FBXL13: variants seen among roughly 807,000 people sequenced by gnomAD.
FBXL13 encodes F-box and leucine-rich repeat protein 13.
Under a neutral mutation model 83.6 loss-of-function variants are expected in FBXL13, and 67 were observed. That is an observed-to-expected ratio of 0.80 (90% CI 0.66 to 0.98). The LOEUF (loss-of-function observed/expected upper bound fraction) is 0.98, where lower values mean the gene tolerates loss of function less well. FBXL13 is among the 50% of genes least tolerant of loss of function. The pLI is 0.00. For synonymous variants in FBXL13, 272 were observed against 299.5 expected, an observed-to-expected ratio of 0.91 and a Z score of 0.95; for missense variants, 822 against 866.5, an observed-to-expected ratio of 0.95 and a Z score of 0.64.
chr7:102,818,617 C>T (rs1798342344), intron 19 of FBXL13, among the ~76,000 whole-genome samples: 1 of 152,104 alleles, frequency 6.6e-6, no homozygotes, highest in Non-Finnish European at 1.5e-5. Context: ...GCAGTAGGGA[C>T]TGTCCGAGTT....
At chr7:102,811,203 G>A (rs1274224213), downstream of FBXL13, among the ~76,000 whole-genome samples, 1 of 151,902 alleles carries the variant, frequency 6.6e-6, no homozygotes. Flanking sequence ...AAGCATAACA[G>A]CAGTCAACTA....
At chr7:102,903,946 T>TTTTC (rs1563068200) in intron 11 of FBXL13, among the ~76,000 whole-genome samples, 9 of 143,036 alleles carry the variant, frequency 6.3e-5, no homozygotes, top group African/African-American at 2.4e-4. Flanking sequence ...TTTCTTTTTT[T>TTTTC]TTTTTTTTTT....
At chr7:102,862,449 T>C (rs993096642) in intron 16 of FBXL13, among the ~76,000 whole-genome samples, 1 of 152,192 alleles carries the variant, frequency 6.6e-6, no homozygotes, top group African/African-American at 2.4e-5. Flanking sequence ...TAGCATAATT[T>C]GGAGGAAAAA....
intron 6 of FBXL13, among the ~76,000 whole-genome samples, chr7:102,994,878 G>C (rs1420573600): frequency 2.6e-5 from 4 of 152,120 alleles, no homozygotes; most frequent in Admixed American, 6.5e-5. Flanking sequence ...AGGTTTTCTG[G>C]GAACTCAGAG....
In FBXL13 at chr7:103,014,826, G is replaced by A. The variant is rs541256051; in HGVS notation, c.495+10237C>T. On this transcript the variant is annotated intron_variant, in intron 6 of 19. Coordinates refer to ENST00000313221, the Ensembl canonical transcript of FBXL13. ...TAGTCCCAGCTACTTGGGAGGCTGA[G>A]GCAGGAGAATGGCATGAACCCCGGG... Among the ~76,000 whole-genome samples, 10 of 150,834 alleles carry A rather than the reference G, an allele frequency of 6.6e-5. No homozygotes were observed. The South Asian group carries it at 2.1e-3, about 32-fold the overall frequency.
intron 8 of FBXL13, among the ~76,000 whole-genome samples, chr7:102,957,629 T>C (rs1313614601): frequency 2.6e-5 from 4 of 152,178 alleles, no homozygotes; most frequent in African/African-American, 9.6e-5. Context: ...TTTTGCAATC[T>C]ACCCATCTGA....
chr7:102,926,488 G>T, intron 9 of FBXL13, 114 bp from the exon 11 acceptor site: 1 of 726,842 alleles, frequency 1.4e-6, no homozygotes, highest in Non-Finnish European at 2.2e-6. Flanking sequence ...TGTAAGAGTT[G>T]GTTTCTTCAT....
chr7:103,066,192 A>C (rs1798375597), intron 1 of FBXL13, among the ~76,000 whole-genome samples: 1 of 152,218 alleles, frequency 6.6e-6, no homozygotes. Context: ...TTTAGACTTT[A>C]ACTAAAATTG....
chr7:102,970,245 T>C (rs1340947659), intron 6 of FBXL13, among the ~76,000 whole-genome samples: 2 of 152,150 alleles, frequency 1.3e-5, no homozygotes, highest in Non-Finnish European at 2.9e-5. Flanking sequence ...AGCAAGACTC[T>C]GTCTCAAAAA....
chr7:102,966,971 T>C (rs1326153644), intron 7 of FBXL13, among the ~76,000 whole-genome samples: 1 of 151,908 alleles, frequency 6.6e-6, no homozygotes, highest in East Asian at 1.9e-4. Flanking sequence ...CCTGTTTTGG[T>C]TTTTTTGTTT....
intron 6 of FBXL13, among the ~76,000 whole-genome samples, chr7:103,020,281 G>A (rs183780463): frequency 8.9e-4 from 135 of 152,098 alleles, no homozygotes; most frequent in East Asian, 3.9e-3. Context: ...ACAACCCTTC[G>A]TGCTAAAAAT....
intron 16 of FBXL13, among the ~76,000 whole-genome samples, chr7:102,863,818 C>G (rs558740543): frequency 2.0e-5 from 3 of 152,108 alleles, no homozygotes; most frequent in African/African-American, 7.2e-5. Flanking sequence ...GTGGCACCAC[C>G]ATGTTCACAA....
intron 16 of FBXL13, among the ~76,000 whole-genome samples, chr7:102,865,565 C>A (rs564384043): frequency 2.0e-5 from 3 of 151,868 alleles, no homozygotes; most frequent in Non-Finnish European, 4.4e-5. Flanking sequence ...TTGTTTGAGA[C>A]GGAGTCTTGC....
intron 6 of FBXL13, among the ~76,000 whole-genome samples, chr7:102,976,600 C>T (rs1004046657): frequency 6.6e-6 from 1 of 152,090 alleles, no homozygotes; most frequent in African/African-American, 2.4e-5. Context: ...AGTTAGCCCC[C>T]CTGTTTGGGG....
Position 103,041,023 on chromosome 7 carries a change from C to A in FBXL13, c.1-11605G>T, listed in dbSNP as rs79428078. Among the ~76,000 whole-genome samples, 7 of 152,094 alleles carry A rather than the reference C, an allele frequency of 4.6e-5. 1 individual carries two copies. Among genetic ancestry groups the A allele is most frequent in the African/African-American group, 1.4e-4 (6 of 41,520 alleles). On this transcript the variant is annotated intron_variant, in intron 2 of 19. Transcript: ENST00000313221. The stretch of plus-strand genomic sequence containing the variant: ...GAGTCACAAAAAACCCTTCGAAAAA[C>A]CAATGTATCCAGGAGCTGGTTTTTT...
intron 8 of FBXL13, among the ~76,000 whole-genome samples, chr7:102,952,079 T>C (rs1020553774): frequency 2.6e-5 from 4 of 152,120 alleles, no homozygotes; most frequent in African/African-American, 7.2e-5. Flanking sequence ...CTAAGTGAAG[T>C]AAGCCAGGCA....
At chr7:102,973,801 G>A (rs747922583) in intron 6 of FBXL13, 4 of 740,950 alleles carry the variant, frequency 5.4e-6, no homozygotes, top group Non-Finnish European at 9.9e-6. Context: ...GGTTAACAAG[G>A]AAAAATCCAT....
intron 9 of FBXL13, among the ~76,000 whole-genome samples, chr7:102,927,594 C>T (rs1818369031): frequency 6.6e-6 from 1 of 152,192 alleles, no homozygotes; most frequent in South Asian, 2.1e-4. Flanking sequence ...CAGCAAACCA[C>T]ACCTTAAAGA....
rs537042399 is a variant in FBXL13, at chr7:103,007,325, G to C, written c.495+17738C>G. Among the ~76,000 whole-genome samples the C allele has an allele frequency of 5.9e-5, 9 of 151,386 alleles. No individual in the cohort carries two copies. The South Asian group carries it at 1.3e-3, about 21-fold the overall frequency. ...ACTGCTGAAAAGTCAATGATAAAGA[G>C]AGAAATCTTAAAAGCAAGAAGAAAA... On this transcript the variant is annotated intron_variant, in intron 6 of 19. Coordinates refer to ENST00000313221, the Ensembl canonical transcript of FBXL13.
Sources: gnomAD v4.1 joint callset for allele counts (sites outside exome capture counted in the v4.1 genomes callset) on GRCh38, gnomAD v4.1.1 for gene constraint, MANE v1.5 for transcripts, NCBI Gene and HGNC (gene_info 2026-07-23, HGNC 2026-07-21) for gene names.